The following INTS4 variants were observed in gnomAD, a reference collection of about 807,000 sequenced individuals.
INTS4 encodes the protein integrator complex subunit 4, also known as MSTP093.
INTS4 carries 70 observed loss-of-function variants against 119.5 expected under a neutral mutation model. That is an observed-to-expected ratio of 0.59 (90% confidence interval 0.48 to 0.71). The LOEUF (loss-of-function observed/expected upper bound fraction) is 0.71. Ranked by LOEUF, INTS4 falls within the 30% of genes least tolerant of loss-of-function variation. The probability of loss-of-function intolerance (pLI) is 0.00; values close to 1 mark genes in which losing one functional copy is unlikely to be tolerated. For missense variants in INTS4, 867 were observed against 1,173.2 expected (o/e 0.74, Z 3.81); for synonymous variants, 316 against 419.6 (o/e 0.75, Z 3.02).
intron 4 of INTS4, among the ~76,000 whole-genome samples, chr11:77,969,486 T>C (rs987589489): frequency 1.3e-5 from 2 of 152,068 alleles, no homozygotes; most frequent in African/African-American, 4.8e-5. Context: ...GCTCAAGTAA[T>C]CCTCTCACCT....
At chr11:77,961,212 A>G (rs1954468475) in intron 4 of INTS4, 74 bp from the exon 5 acceptor site, 12 of 1,433,028 alleles carry the variant, frequency 8.4e-6, no homozygotes, top group Non-Finnish European at 1.1e-5. Flanking sequence ...TAACAAACAC[A>G]GACAAGACCA....
At chr11:77,970,233 T>C (rs1430219134) in intron 4 of INTS4, among the ~76,000 whole-genome samples, 2 of 151,402 alleles carry the variant, frequency 1.3e-5, no homozygotes, top group Non-Finnish European at 2.9e-5. Context: ...CCCATCTCTA[T>C]TAAAAATACA....
chr11:77,895,248 T>C (rs1028281252), intron 18 of INTS4, among the ~76,000 whole-genome samples: 21 of 152,266 alleles, frequency 1.4e-4, no homozygotes, highest in African/African-American at 4.3e-4. Context: ...AATTTCCCAC[T>C]TGTTTTCTTT....
Position 77,878,914 on chromosome 11 carries a change from C to G in INTS4, c.*35G>C, listed in dbSNP as rs1029792470. ...GGCTCATTCTGACACCTAAGAAGGGCCCTCTAGGCCACGGTTGGGAAGACT... is the reference window on the plus strand; with the variant it reads ...GGCTCATTCTGACACCTAAGAAGGGGCCTCTAGGCCACGGTTGGGAAGACT... On this transcript the variant is annotated 3_prime_UTR_variant, in exon 23 of 23. Coordinates refer to ENST00000534064, the MANE Select transcript of INTS4 (RefSeq NM_033547.4). 1 of 1,553,420 alleles carries G rather than the reference C, an allele frequency of 6.4e-7. No homozygotes were observed. Among genetic ancestry groups the G allele is most frequent in the Middle Eastern group, 1.8e-4 (1 of 5,430 alleles).
At chr11:77,941,030 C>G in intron 9 of INTS4, 150 bp downstream of exon 9, 1 of 1,190,858 alleles carries the variant, frequency 8.4e-7, no homozygotes, top group Non-Finnish European at 1.1e-6. Context: ...TTGTTATTTG[C>G]TTCAATTTAC....
intron 1 of INTS4, 87 bp from the exon 2 acceptor site, chr11:77,991,386 A>C: frequency 9.5e-7 from 1 of 1,051,148 alleles, no homozygotes; most frequent in Non-Finnish European, 1.4e-6. Flanking sequence ...ATTATACCAA[A>C]TAATATATTT....
intron 3 of INTS4, among the ~76,000 whole-genome samples, chr11:77,980,006 A>G (rs1370956364): frequency 0.013 from 338 of 25,170 alleles, 5 homozygotes; most frequent in African/African-American, 0.074. Flanking sequence ...AAGAAACAGA[A>G]AAAAAAAAAA....
chr11:77,908,641 G>A (rs1389943714), intron 15 of INTS4, among the ~76,000 whole-genome samples: 1 of 152,030 alleles, frequency 6.6e-6, no homozygotes, highest in Non-Finnish European at 1.5e-5. Context: ...TAAATATTTT[G>A]TAGCCATTAA....
At chr11:77,911,202 T>G in intron 15 of INTS4, 1 of 1,130,432 alleles carries the variant, frequency 8.8e-7, no homozygotes. Context: ...GAAGAATTAA[T>G]GTATGATATA....
chr11:77,978,479 T>C (rs1856046342), intron 4 of INTS4: 1 of 152,372 alleles, frequency 6.6e-6, no homozygotes, highest in South Asian at 2.1e-4. Context: ...AATGTATTAA[T>C]ACATGTATTT....
intron 4 of INTS4, among the ~76,000 whole-genome samples, chr11:77,966,185 T>C (rs1223460796): frequency 6.6e-6 from 1 of 152,238 alleles, no homozygotes; most frequent in Non-Finnish European, 1.5e-5. Flanking sequence ...GAATTCCTTA[T>C]ATATTTTGGA....
intron 3 of INTS4, among the ~76,000 whole-genome samples, chr11:77,980,020 T>C (rs1856142489): frequency 6.6e-6 from 1 of 151,630 alleles, no homozygotes; most frequent in African/African-American, 2.4e-5. Flanking sequence ...AAAAAAAGTT[T>C]TCCATTGCCT....
intron 22 of INTS4, among the ~76,000 whole-genome samples, chr11:77,883,243 C>T (rs1951862717): frequency 6.6e-6 from 1 of 152,118 alleles, no homozygotes; most frequent in South Asian, 2.1e-4. Flanking sequence ...TTGGGAAACA[C>T]CACTGAGGCC....
At chr11:77,983,368 T>C (rs1047590705) in intron 2 of INTS4, among the ~76,000 whole-genome samples, 3 of 152,186 alleles carry the variant, frequency 2.0e-5, no homozygotes, top group East Asian at 3.8e-4. Context: ...CCTCCCAAAG[T>C]GCTGGGATTA....
At chr11:77,943,741 AT>A (rs1489281425) in intron 8 of INTS4, among the ~76,000 whole-genome samples, 1 of 152,180 alleles carries the variant, frequency 6.6e-6, no homozygotes, top group African/African-American at 2.4e-5. Flanking sequence ...TGAGAAAACC[AT>A]TTCACTTGAG....
At chr11:77,979,686 A>G (rs902695105) in intron 3 of INTS4, among the ~76,000 whole-genome samples, 9 of 151,632 alleles carry the variant, frequency 5.9e-5, no homozygotes, top group Admixed American at 2.6e-4. Flanking sequence ...AACAGAAAAA[A>G]AAAAAAAAGG....
At chr11:77,946,691 G>C (rs952524490) in intron 8 of INTS4, among the ~76,000 whole-genome samples, 1 of 151,506 alleles carries the variant, frequency 6.6e-6, no homozygotes, top group African/African-American at 2.4e-5. Context: ...AACCCAGGAG[G>C]AGAAGGTTGC....
At chr11:77,988,047 G>A (rs1045461076) in intron 2 of INTS4, among the ~76,000 whole-genome samples, 2 of 152,080 alleles carry the variant, frequency 1.3e-5, no homozygotes, top group Non-Finnish European at 2.9e-5. Flanking sequence ...AGATAGATAC[G>A]ATTTTTTAAA....
intron 21 of INTS4, among the ~76,000 whole-genome samples, chr11:77,884,372 G>C (rs1167346357): frequency 6.6e-6 from 1 of 152,150 alleles, no homozygotes; most frequent in Non-Finnish European, 1.5e-5. Flanking sequence ...ATTGCAAGCA[G>C]CTAGGAAGTC....
Sources: gnomAD v4.1 joint callset for allele counts (sites outside exome capture counted in the v4.1 genomes callset) on GRCh38, gnomAD v4.1.1 for gene constraint, MANE v1.5 for transcripts, NCBI Gene and HGNC (gene_info 2026-07-23, HGNC 2026-07-21) for gene names.